The following NADK2 variants were observed in gnomAD, a reference collection of about 807,000 sequenced individuals.
NADK2 encodes NAD kinase 2, mitochondrial, also known as NAD kinase domain-containing protein 1, mitochondrial.
Under a neutral mutation model 62.1 loss-of-function variants are expected in NADK2, and 35 were observed. The ratio of observed to expected loss-of-function variants is 0.56; its 90% CI spans 0.43 to 0.75. NADK2 has a LOEUF of 0.75. NADK2 is among the 30% of genes least tolerant of loss of function. The pLI, the probability that NADK2 is intolerant of heterozygous loss-of-function variation, is 0.00. For missense variants in NADK2, 439 were observed against 561.3 expected (o/e 0.78, Z 2.20); for synonymous variants, 205 against 207.9 (o/e 0.99, Z 0.12).
chr5:36,202,489 C>T (rs1303364088), intron 8 of NADK2, among the ~76,000 whole-genome samples: 1 of 152,082 alleles, frequency 6.6e-6, no homozygotes, highest in Non-Finnish European at 1.5e-5. Flanking sequence ...AATTCAGAGA[C>T]ATTTGCTGTG....
intron 1 of NADK2, among the ~76,000 whole-genome samples, chr5:36,230,643 G>C (rs1471300785): frequency 6.6e-6 from 1 of 152,200 alleles, no homozygotes; most frequent in Non-Finnish European, 1.5e-5. Context: ...AGATGCTACA[G>C]AAGATAACCC....
chr5:36,210,293 A>C lies in NADK2; in HGVS notation c.860+1551T>G, dbSNP rs991034. ...TTTACAGCTCGTCACTGTGTTCCAC[A>C]AAAATGTTTTCCAAAAAAATTATGT... is the stretch of plus-strand genomic sequence containing the variant. On this transcript the variant is annotated intron_variant, in intron 7 of 11. Transcript: ENST00000381937. 0.012 allele frequency among the ~76,000 whole-genome samples: 1,848 copies of C among 152,328 alleles called. 155 individuals carry two copies. In the East Asian group the frequency reaches 0.21, roughly 18 times the overall value.
chr5:36,219,346 G>A (rs1747165526), intron 5 of NADK2, among the ~76,000 whole-genome samples: 1 of 152,092 alleles, frequency 6.6e-6, no homozygotes, highest in African/African-American at 2.4e-5. Flanking sequence ...AAGTAGCTGG[G>A]ACTACAGGTG....
rs1561066240 is a variant in NADK2 at position 36,217,779 on chromosome 5, T to C, written c.750A>G (p.Arg250=). The C allele has an allele frequency of 6.2e-7, 1 of 1,613,952 alleles. No individual in the cohort carries two copies. ...CATGAGCTCTTTCAATGTTAAGGGC[T>C]CTATTGTGCTGATTCAAGCTTAGCT... ...EQQLSLNQHN[R]ALNIERAHDE... Residue 250 remains arginine, a synonymous_variant, in exon 6 of 12, where the codon AGA becomes AGG. Transcript: ENST00000381937.
intron 4 of NADK2, among the ~76,000 whole-genome samples, chr5:36,222,724 A>C (rs1747319828): frequency 6.6e-6 from 1 of 152,206 alleles, no homozygotes; most frequent in African/African-American, 2.4e-5. Context: ...ACTGTAAGCT[A>C]GTTCAGTAAT....
intron 11 of NADK2, among the ~76,000 whole-genome samples, chr5:36,196,532 CA>C (rs976231213): frequency 2.6e-5 from 4 of 152,066 alleles, no homozygotes; most frequent in African/African-American, 9.7e-5. Context: ...GCTATGAGCC[CA>C]TTGCTGGATA....
At chr5:36,224,138 T>C (rs1364017) in intron 4 of NADK2, among the ~76,000 whole-genome samples, 140,659 of 152,010 alleles carry the variant, frequency 0.93, 65,569 homozygotes, top group Non-Finnish European at 0.99. Context: ...GAAGTTTGTG[T>C]GCAACTCTAA....
chr5:36,225,425 G>A lies in NADK2; in HGVS notation c.560+117C>T, dbSNP rs1204612015. 8 of 770,520 alleles carry A rather than the reference G, an allele frequency of 1.0e-5. No individual in the cohort carries two copies. The East Asian group carries it at 2.1e-4, about 20-fold the overall frequency. The allele number at this position is 770,520 out of a possible 1,614,324, so 47.7% of individuals were successfully genotyped here. ...ATAAAAAATAGCTTCCAAATTTTAA[G>A]ACAGACCATAAAAAGATACTATGCA... On this transcript the variant is annotated intron_variant, in intron 4 of 11. Coordinates refer to ENST00000381937, the MANE Select transcript of NADK2 (RefSeq NM_001085411.3).
At chr5:36,217,199 G>C (rs1210131403) in intron 6 of NADK2, among the ~76,000 whole-genome samples, 4 of 152,082 alleles carry the variant, frequency 2.6e-5, no homozygotes, top group Non-Finnish European at 5.9e-5. Context: ...CATCAATAAA[G>C]TCCTACATTT....
Position 36,211,847 on chromosome 5 carries a change from G to C in NADK2, c.857C>G (p.Ser286Cys), listed in dbSNP as rs1372670620. Residue 286 changes from serine to cysteine, a missense_variant, in exon 7 of 12, where the codon TCC becomes TGC. Coordinates refer to ENST00000381937, the MANE Select transcript of NADK2 (RefSeq NM_001085411.3). ...NEVFIGESLS[S>C]RASYYEISVD... Reference sequence around the variant, plus strand: ...AAGATCACAGGTTTAAAAGTACCTGGATGACAGACTCTCCCCAATGAAGAC... The same window carrying C: ...AAGATCACAGGTTTAAAAGTACCTGCATGACAGACTCTCCCCAATGAAGAC... 3 of 1,612,394 alleles carry C rather than the reference G, an allele frequency of 1.9e-6. No homozygotes were observed. In the African/African-American group the frequency reaches 4.0e-5, roughly 22 times the overall value.
chr5:36,233,733 T>C (rs1351322793), intron 1 of NADK2, among the ~76,000 whole-genome samples: 7 of 152,200 alleles, frequency 4.6e-5, no homozygotes, highest in Non-Finnish European at 1.5e-5. Context: ...TATTTCAAAT[T>C]TATGTACTGA....
chr5:36,211,565 A>AG (rs1282617582), intron 7 of NADK2, among the ~76,000 whole-genome samples: 1 of 150,396 alleles, frequency 6.6e-6, no homozygotes, highest in East Asian at 1.9e-4. Context: ...AAAAAAAAAA[A>AG]ATAATAAAGC....
chr5:36,228,935 T>A (rs1747601762), intron 1 of NADK2, among the ~76,000 whole-genome samples: 1 of 151,986 alleles, frequency 6.6e-6, no homozygotes, highest in African/African-American at 2.4e-5. Flanking sequence ...TAATATACAA[T>A]CTCAAATATT....
chr5:36,211,433 T>C (rs1179058223), intron 7 of NADK2, among the ~76,000 whole-genome samples: 2 of 151,982 alleles, frequency 1.3e-5, no homozygotes, highest in Non-Finnish European at 2.9e-5. Context: ...CATGCACCTG[T>C]AGTCCCAGCT....
chr5:36,207,185 G>A lies in NADK2; in HGVS notation c.941C>T (p.Thr314Ile). Residue 314 changes from threonine to isoleucine, a missense_variant, in exon 8 of 12, where the codon ACA (threonine) becomes ATA (isoleucine). By Grantham distance (89) the Thr-to-Ile change is moderately conservative. Transcript: ENST00000381937. ...AGTTACTCACCAGGCCTTTGATCCT[G>A]TTCCAGTACACAAATTGAGCCCTGA... ...KSSGLNLCTG[T>I]GSKAWSFNIN... The A allele has an allele frequency of 6.2e-7, 1 of 1,612,388 alleles. No individual in the cohort carries two copies. The highest frequency in any genetic ancestry group is 8.5e-7 in the Non-Finnish European group (1 of 1,178,912).
chr5:36,215,141 C>A (rs1228739844), intron 6 of NADK2, among the ~76,000 whole-genome samples: 1 of 152,120 alleles, frequency 6.6e-6, no homozygotes, highest in Non-Finnish European at 1.5e-5. Context: ...ATGAAATAAT[C>A]TGCTCCAGTC....
At chr5:36,206,534 T>A (rs1450204527) in intron 8 of NADK2, among the ~76,000 whole-genome samples, 1 of 152,008 alleles carries the variant, frequency 6.6e-6, no homozygotes, top group Non-Finnish European at 1.5e-5. Context: ...AAATGCTTTT[T>A]TTCTCTAGAG....
chr5:36,207,413 C>T (rs1293803371), intron 7 of NADK2, 148 bp from the exon 8 acceptor site: 10 of 494,344 alleles, frequency 2.0e-5, no homozygotes, highest in Non-Finnish European at 2.8e-5. Flanking sequence ...ATGCTAATTC[C>T]AATACTGATT....
chr5:36,206,784 G>A (rs1442732494), intron 8 of NADK2, among the ~76,000 whole-genome samples: 3 of 152,098 alleles, frequency 2.0e-5, no homozygotes, highest in African/African-American at 7.2e-5. Context: ...AGAGTAAACA[G>A]GACATAGGGA....
Sources: gnomAD v4.1 joint callset for allele counts (sites outside exome capture counted in the v4.1 genomes callset) on GRCh38, gnomAD v4.1.1 for gene constraint, MANE v1.5 for transcripts, NCBI Gene and HGNC (gene_info 2026-07-23, HGNC 2026-07-21) for gene names.